ERICH1: variants seen among roughly 807,000 people sequenced by gnomAD.
ERICH1 encodes glutamate-rich protein 1.
ERICH1 carries 56 observed loss-of-function variants against 39.6 expected under a neutral mutation model. That is an observed-to-expected ratio of 1.41 (90% confidence interval 1.14 to 1.77). The LOEUF (loss-of-function observed/expected upper bound fraction) is 1.77. ERICH1 is among the 40% of genes most tolerant of loss of function. The probability of loss-of-function intolerance (pLI) is 0.00; values close to 1 mark genes in which losing one functional copy is unlikely to be tolerated. For synonymous variants in ERICH1, 313 were observed against 223.6 expected (o/e 1.40, Z -3.57); for missense variants, 826 against 575.4 (o/e 1.44, Z -4.45).
intron 1 of ERICH1, among the ~76,000 whole-genome samples, chr8:729,226 T>TG (rs951399995): frequency 3.9e-5 from 6 of 152,316 alleles, no homozygotes; most frequent in Non-Finnish European, 7.4e-5. Context: ...CAGTTCTGTG[T>TG]GGGGTCTGCT....
intron 3 of ERICH1, among the ~76,000 whole-genome samples, chr8:687,030 G>A (rs547966401): frequency 7.9e-5 from 12 of 152,350 alleles, no homozygotes; most frequent in African/African-American, 2.9e-4. Context: ...AAAGGCAAAA[G>A]GCAGAGAGAG....
At chr8:662,100 T>TACAGGGATTCTGTGGAACCC (rs1801505090), downstream of ERICH1, among the ~76,000 whole-genome samples, 1 of 151,562 alleles carries the variant, frequency 6.6e-6, no homozygotes, top group Non-Finnish European at 1.5e-5. Flanking sequence ...CTGTGGAACC[T>TACAGGGATTCTGTGGAACCC]ACAGGGATTC....
At chr8:707,837 C>G (rs1813666671) in intron 2 of ERICH1, among the ~76,000 whole-genome samples, 1 of 152,038 alleles carries the variant, frequency 6.6e-6, no homozygotes, top group Non-Finnish European at 1.5e-5. Context: ...TTAAAGGATA[C>G]CATTAAGAAA....
At chr8:624,202 C>T (rs1314334283) in intron 3 of ERICH1, among the ~76,000 whole-genome samples, 4 of 152,064 alleles carry the variant, frequency 2.6e-5, no homozygotes, top group African/African-American at 9.7e-5. Flanking sequence ...GACATCAGCT[C>T]AAACCTGTGA....
rs137925582 is a variant in ERICH1, at chr8:620,016, T to C, written c.977-4732A>G. Among the ~76,000 whole-genome samples the C allele has an allele frequency of 3.2e-4, 49 of 152,246 alleles. No individual in the cohort carries two copies. The East Asian group carries it at 5.4e-3, about 17-fold the overall frequency. ...AAAATGGAGGAATAATAAGGACATA[T>C]ACAAAACAAAAAGTGGGCCAGGCGT... On this transcript the variant is annotated intron_variant, in intron 3 of 3. Coordinates refer to the ERICH1 transcript ENST00000522706.
At chr8:730,748 G>A (rs940917428) in intron 1 of ERICH1, among the ~76,000 whole-genome samples, 4 of 152,232 alleles carry the variant, frequency 2.6e-5, no homozygotes, top group African/African-American at 7.2e-5. Context: ...TTTCGGTGAG[G>A]CTGCCGGAGC....
At chr8:651,033 C>T (rs557481345) in intron 3 of ERICH1, among the ~76,000 whole-genome samples, 3 of 152,352 alleles carry the variant, frequency 2.0e-5, no homozygotes, top group East Asian at 1.9e-4. Context: ...TCTAGTCTTG[C>T]AGGGGTTCAG....
At chr8:708,698 T>TTTTGTTTTTTTTTTTTTTG (rs1813985342) in intron 2 of ERICH1, among the ~76,000 whole-genome samples, 1 of 139,696 alleles carries the variant, frequency 7.2e-6, no homozygotes, top group Non-Finnish European at 1.5e-5. Context: ...TTTTTTTTTT[T>TTTTGTTTTTTTTTTTTTTG]TTTTTTTTTT....
intron 3 of ERICH1, among the ~76,000 whole-genome samples, chr8:654,529 T>C (rs1800368467): frequency 6.6e-6 from 1 of 152,210 alleles, no homozygotes; most frequent in Non-Finnish European, 1.5e-5. Flanking sequence ...TATGTACTTT[T>C]CTATATGTAT....
In ERICH1 at chr8:679,801, G is replaced by A. The variant is rs1349993360; in HGVS notation, c.305-5754C>T. On this transcript the variant is annotated intron_variant, in intron 3 of 5. Transcript: ENST00000262109. ...CCAGGCAGGGCACCAGGGAGACAAC[G>A]TGTGCAAGAGCTGGAAGGGAAGAAA... 3.9e-5 allele frequency among the ~76,000 whole-genome samples: 6 copies of A among 152,336 alleles called. No individual in the cohort carries two copies. The South Asian group carries it at 1.2e-3, about 32-fold the overall frequency.
At chr8:695,470 C>A (rs1809944463) in intron 2 of ERICH1, among the ~76,000 whole-genome samples, 1 of 152,038 alleles carries the variant, frequency 6.6e-6, no homozygotes, top group Non-Finnish European at 1.5e-5. Flanking sequence ...TGAGAGAGCA[C>A]AGCAGCTCCC....
At chr8:682,620 C>G (rs1008009818) in intron 3 of ERICH1, among the ~76,000 whole-genome samples, 1 of 152,192 alleles carries the variant, frequency 6.6e-6, no homozygotes, top group African/African-American at 2.4e-5. Flanking sequence ...TGGAGCAGTG[C>G]GCTTTGAAAA....
At chr8:630,878 T>C (rs71514177) in intron 3 of ERICH1, among the ~76,000 whole-genome samples, 1,076 of 100,606 alleles carry the variant, frequency 0.011, 36 homozygotes, top group African/African-American at 0.037. Flanking sequence ...CACACCCTCC[T>C]GTGACCACCC....
intron 3 of ERICH1, among the ~76,000 whole-genome samples, chr8:686,111 C>T (rs1203357550): frequency 6.6e-6 from 1 of 151,994 alleles, no homozygotes; most frequent in African/African-American, 2.4e-5. Context: ...AGTGAGATTG[C>T]GCCACTGCAC....
rs546851845 is a variant in ERICH1 at position 673,352 on chromosome 8, T to C, written c.1000A>G (p.Asn334Asp). ...TTTAGAATACTGTGTGCCTTTTCAT[T>C]GGTAATTGTATCATCTTCCTCGCTG... is the stretch of plus-strand genomic sequence containing the variant. The part of the protein sequence containing the change: ...DASEEDDTIT[N>D]EKAHSILNFL... The change falls in exon 4 of 6, where the codon AAT becomes GAT. Residue 334 changes from asparagine to aspartate, a missense_variant. By Grantham distance (23) the Asn-to-Asp change is conservative. Transcript: ENST00000262109. The C allele has an allele frequency of 2.1e-5, 34 of 1,614,088 alleles. No individual in the cohort carries two copies. The Middle Eastern group carries it at 1.5e-3, about 70-fold the overall frequency.
At chr8:663,008 T>C (rs1003313777), downstream of ERICH1, among the ~76,000 whole-genome samples, 1 of 152,232 alleles carries the variant, frequency 6.6e-6, no homozygotes, top group Non-Finnish European at 1.5e-5. Flanking sequence ...CTGCGTCCTG[T>C]CCTCGGGTGA....
chr8:664,306 C>A lies in ERICH1; in HGVS notation c.*297G>T. 3 of 1,057,584 alleles carry A rather than the reference C, an allele frequency of 2.8e-6. No homozygotes were observed. Among genetic ancestry groups the A allele is most frequent in the Non-Finnish European group, 3.4e-6 (3 of 877,008 alleles). 65.5% of individuals were successfully genotyped at this position (1,057,584 alleles called of 1,614,324 possible). A position where few individuals can be genotyped will look rare whatever the true frequency, so the allele number is the denominator to read the frequency against. ...AAAAATATATGAGCTTCAAACTATA[C>A]ATTTAACTTAACAGAATGTCCATTT... On this transcript the variant is annotated 3_prime_UTR_variant, in exon 6 of 6. Coordinates refer to ENST00000262109, the MANE Select transcript of ERICH1 (RefSeq NM_207332.3).
At chr8:668,438 C>A (rs1802618644) in intron 5 of ERICH1, 160 bp downstream of exon 5, 2 of 666,196 alleles carry the variant, frequency 3.0e-6, no homozygotes, top group East Asian at 2.7e-5. Flanking sequence ...AGCAGAGATG[C>A]AGGAAGCCTG....
At chr8:716,796 G>C (rs1337851719) in intron 1 of ERICH1, among the ~76,000 whole-genome samples, 1 of 152,120 alleles carries the variant, frequency 6.6e-6, no homozygotes, top group Non-Finnish European at 1.5e-5. Context: ...CCTGACTGGA[G>C]GCGTGCAGGG....
Sources: gnomAD v4.1 joint callset for allele counts (sites outside exome capture counted in the v4.1 genomes callset) on GRCh38, gnomAD v4.1.1 for gene constraint, MANE v1.5 for transcripts, NCBI Gene and HGNC (gene_info 2026-07-23, HGNC 2026-07-21) for gene names.